Variants in SMYD3 observed in about 807,000 individuals in gnomAD.
SMYD3 encodes SET and MYND domain containing 3.
Under a neutral mutation model 57.7 loss-of-function variants are expected in SMYD3, and 36 were observed. The observed-to-expected ratio is 0.62, with a 90% confidence interval of 0.48 to 0.82. The LOEUF (loss-of-function observed/expected upper bound fraction) is 0.82, where lower values mean the gene tolerates loss of function less well. Ranked by LOEUF, SMYD3 falls within the 40% of genes least tolerant of loss-of-function variation. The pLI, the probability that SMYD3 is intolerant of heterozygous loss-of-function variation, is 0.00. For synonymous variants in SMYD3, 211 were observed against 195.0 expected (o/e 1.08, Z -0.68); for missense variants, 515 against 538.8 (o/e 0.96, Z 0.44).
chr1:246,110,935 C>G (rs1369154456), intron 5 of SMYD3, among the ~76,000 whole-genome samples: 1 of 152,134 alleles, frequency 6.6e-6, no homozygotes, highest in Non-Finnish European at 1.5e-5. Context: ...AGATATTTCT[C>G]ATTTAAACTT....
intron 5 of SMYD3, among the ~76,000 whole-genome samples, chr1:246,013,102 TA>T (rs2059314143): frequency 6.6e-6 from 1 of 152,238 alleles, no homozygotes; most frequent in Admixed American, 6.5e-5. Context: ...GTGTGAGCTT[TA>T]AATAGGAGAA....
intron 1 of SMYD3, among the ~76,000 whole-genome samples, chr1:246,413,881 A>C (rs1036487889): frequency 6.6e-6 from 1 of 152,210 alleles, no homozygotes. Context: ...AATACAATGC[A>C]CTAGCAAATC....
At chr1:246,402,381 T>TTTTTTTTTTTTTTTTTTTTTTTGAGACGG (rs1239559421) in intron 1 of SMYD3, among the ~76,000 whole-genome samples, 1 of 151,502 alleles carries the variant, frequency 6.6e-6, no homozygotes, top group Non-Finnish European at 1.5e-5. Context: ...AACGCCATCT[T>TTTTTTTTTTTTTTTTTTTTTTTGAGACGG]AAAGATGATC....
intron 1 of SMYD3, among the ~76,000 whole-genome samples, chr1:246,503,661 G>A (rs916730376): frequency 1.3e-5 from 2 of 152,268 alleles, no homozygotes; most frequent in Admixed American, 1.3e-4. Context: ...AACGGCAGAA[G>A]GACAATATAA....
chr1:245,773,157 A>T (rs2148099650), intron 10 of SMYD3, among the ~76,000 whole-genome samples: 1 of 152,164 alleles, frequency 6.6e-6, no homozygotes, highest in African/African-American at 2.4e-5. Flanking sequence ...AAAACAAACA[A>T]ACAAAAAAAC....
intron 4 of SMYD3, among the ~76,000 whole-genome samples, chr1:246,329,345 A>G (rs1213553227): frequency 6.6e-6 from 1 of 152,278 alleles, no homozygotes; most frequent in South Asian, 2.1e-4. Flanking sequence ...CATCCTCTCC[A>G]GCACCTGTTG....
chr1:246,428,662 A>G (rs1009247694), intron 1 of SMYD3, among the ~76,000 whole-genome samples: 9 of 152,248 alleles, frequency 5.9e-5, no homozygotes, highest in South Asian at 2.1e-4. Context: ...AATCTAGACC[A>G]GAGCCCATGC....
At chr1:246,398,922 C>T (rs1313983737) in intron 1 of SMYD3, among the ~76,000 whole-genome samples, 1 of 152,182 alleles carries the variant, frequency 6.6e-6, no homozygotes, top group East Asian at 1.9e-4. Flanking sequence ...AGACTGATTG[C>T]CCAGCGTAAT....
intron 5 of SMYD3, among the ~76,000 whole-genome samples, chr1:246,006,923 C>T (rs1369549430): frequency 6.6e-6 from 1 of 152,196 alleles, no homozygotes; most frequent in East Asian, 1.9e-4. Flanking sequence ...GCAGACACAG[C>T]CAGAGCTCGA....
chr1:245,962,073 G>A (rs897131229), intron 5 of SMYD3, among the ~76,000 whole-genome samples: 1 of 152,148 alleles, frequency 6.6e-6, no homozygotes. Flanking sequence ...CATACCACAT[G>A]ACACAGCCTC....
At chr1:246,057,553 T>C (rs1024059397) in intron 5 of SMYD3, among the ~76,000 whole-genome samples, 2 of 152,168 alleles carry the variant, frequency 1.3e-5, no homozygotes, top group African/African-American at 4.8e-5. Context: ...AACAAGAAGA[T>C]ACCACTACGC....
At chr1:246,115,326 G>T (rs1277947039) in intron 5 of SMYD3, among the ~76,000 whole-genome samples, 1 of 152,144 alleles carries the variant, frequency 6.6e-6, no homozygotes, top group African/African-American at 2.4e-5. Flanking sequence ...AAACCTCAAG[G>T]TTCAAGGGGT....
At chr1:246,123,810 G>GTT (rs112731841) in intron 5 of SMYD3, among the ~76,000 whole-genome samples, 2 of 151,528 alleles carry the variant, frequency 1.3e-5, no homozygotes, top group East Asian at 1.9e-4. Flanking sequence ...TTTTTCTTGT[G>GTT]TTTTTTTTCC....
At position 246,377,976 on chromosome 1, in the gene SMYD3, A is replaced by C. The variant is rs185410874; in HGVS notation, c.165-22882T>G. The stretch of plus-strand genomic sequence containing the variant: ...TGCCGGTCTGATGGGTGAAAATGTT[A>C]TCTCAATGTGCTTTCCCTTGACAAA... On this transcript the variant is annotated intron_variant, in intron 1 of 11. Coordinates refer to ENST00000490107, the MANE Select transcript of SMYD3 (RefSeq NM_001167740.2). Among the ~76,000 whole-genome samples the C allele has an allele frequency of 4.0e-3, 607 of 152,320 alleles. 2 individuals are homozygous for C. Among genetic ancestry groups the C allele is most frequent in the Non-Finnish European group, 5.3e-3 (360 of 68,030 alleles).
intron 5 of SMYD3, among the ~76,000 whole-genome samples, chr1:246,286,176 T>C (rs185335585): frequency 1.9e-4 from 29 of 152,230 alleles, no homozygotes; most frequent in African/African-American, 5.8e-4. Context: ...AGAAAGACAC[T>C]TGAGGTTTCT....
rs67269567 is a variant in SMYD3, at chr1:245,884,792, C to T, written c.814-20906G>A. ...CTGTGTCTAGCTAAAGGATTGTAAA[C>T]GGACCAATCAGCACTCTGTAAAATG... On this transcript the variant is annotated intron_variant, in intron 8 of 11. Transcript: ENST00000490107. Among the ~76,000 whole-genome samples the T allele has an allele frequency of 8.0e-4, 118 of 147,198 alleles. 9 individuals are homozygous for T. Among genetic ancestry groups the T allele is most frequent in the Middle Eastern group, 3.4e-3 (1 of 294 alleles).
chr1:246,474,154 C>G (rs530132986), intron 1 of SMYD3, among the ~76,000 whole-genome samples: 1 of 152,202 alleles, frequency 6.6e-6, no homozygotes, highest in South Asian at 2.1e-4. Context: ...CAGCTTTTAC[C>G]TAAACTTTGA....
intron 10 of SMYD3, among the ~76,000 whole-genome samples, chr1:245,829,727 G>C (rs1426626333): frequency 6.6e-6 from 1 of 152,038 alleles, no homozygotes; most frequent in African/African-American, 2.4e-5. Flanking sequence ...CTAAAAAGTA[G>C]AAAGAGCCCA....
At chr1:246,455,412 A>G (rs1360836848) in intron 1 of SMYD3, among the ~76,000 whole-genome samples, 1 of 152,242 alleles carries the variant, frequency 6.6e-6, no homozygotes, top group East Asian at 1.9e-4. Flanking sequence ...CCAGTCCTAC[A>G]TTGAGAAATT....
Sources: gnomAD v4.1 joint callset for allele counts (sites outside exome capture counted in the v4.1 genomes callset) on GRCh38, gnomAD v4.1.1 for gene constraint, MANE v1.5 for transcripts, NCBI Gene and HGNC (gene_info 2026-07-23, HGNC 2026-07-21) for gene names.